The following TAFA2 variants were observed in gnomAD, a reference collection of about 807,000 sequenced individuals.
TAFA2 encodes TAFA chemokine like family member 2.
Under a neutral mutation model 18.8 loss-of-function variants are expected in TAFA2, and 7 were observed. That is an observed-to-expected ratio of 0.37 (90% CI 0.21 to 0.70). TAFA2 has a LOEUF of 0.70. Among genes scored for constraint, TAFA2 ranks in the 30% least tolerant of loss-of-function variants. TAFA2 has a pLI of 0.53. For synonymous variants in TAFA2, 60 were observed against 54.2 expected (o/e 1.11, Z -0.47); for missense variants, 122 against 158.1 (o/e 0.77, Z 1.23).
Position 62,135,732 on chromosome 12 carries a change from A to G in TAFA2, c.-2+55527T>C, listed in dbSNP as rs368826969. Reference sequence around the variant, plus strand: ...TGAATATCATCAGCTCAATTAAGTTAGTAACAAAGCCTGCATTGCGCAATA... The same window carrying G: ...TGAATATCATCAGCTCAATTAAGTTGGTAACAAAGCCTGCATTGCGCAATA... On this transcript the variant is annotated intron_variant, in intron 1 of 4. Coordinates refer to ENST00000416284, the MANE Select transcript of TAFA2 (RefSeq NM_178539.5). 3 of 152,084 alleles carry G rather than the reference A, an allele frequency of 2.0e-5. No homozygotes were observed. In the East Asian group the frequency reaches 5.8e-4, roughly 29 times the overall value. The allele number at this position is 152,084 out of a possible 1,614,324, so 9.4% of individuals were successfully genotyped here.
At chr12:62,065,187 C>T (rs1056644213) in intron 1 of TAFA2, among the ~76,000 whole-genome samples, 5 of 151,952 alleles carry the variant, frequency 3.3e-5, no homozygotes, top group Admixed American at 1.3e-4. Context: ...TGAGTATAAG[C>T]TTTGCATGAA....
intron 2 of TAFA2, among the ~76,000 whole-genome samples, chr12:61,779,589 C>A (rs776070228): frequency 1.5e-4 from 22 of 151,708 alleles, no homozygotes; most frequent in Non-Finnish European, 2.5e-4. Flanking sequence ...AGCCAAATAC[C>A]CAGGTTTTTG....
chr12:61,857,339 G>A (rs962606541), intron 2 of TAFA2, among the ~76,000 whole-genome samples: 1 of 152,030 alleles, frequency 6.6e-6, no homozygotes, highest in African/African-American at 2.4e-5. Flanking sequence ...AAGACACTAT[G>A]TCTAGACCTT....
intron 2 of TAFA2, among the ~76,000 whole-genome samples, chr12:61,804,817 G>T (rs1336503079): frequency 1.3e-5 from 2 of 151,970 alleles, no homozygotes; most frequent in East Asian, 1.9e-4. Context: ...GGAAAGTAAG[G>T]CACACAGAAG....
At chr12:61,987,205 G>A (rs1879849852) in intron 1 of TAFA2, among the ~76,000 whole-genome samples, 2 of 152,172 alleles carry the variant, frequency 1.3e-5, no homozygotes, top group Non-Finnish European at 2.9e-5. Flanking sequence ...TAGTGCAGCA[G>A]GCTCCACAAC....
At chr12:62,070,565 A>AG (rs1274512581) in intron 1 of TAFA2, 6 of 152,186 alleles carry the variant, frequency 3.9e-5, no homozygotes, top group Non-Finnish European at 7.3e-5. Flanking sequence ...GGCTACACCT[A>AG]GAGTAAAAGA....
chr12:61,863,455 T>C (rs1874212037), intron 2 of TAFA2, among the ~76,000 whole-genome samples: 1 of 152,136 alleles, frequency 6.6e-6, no homozygotes, highest in African/African-American at 2.4e-5. Flanking sequence ...TAGGAAAGCC[T>C]CCTACATGAG....
At chr12:62,047,733 G>A (rs1351850378) in intron 1 of TAFA2, among the ~76,000 whole-genome samples, 1 of 152,068 alleles carries the variant, frequency 6.6e-6, no homozygotes, top group Non-Finnish European at 1.5e-5. Flanking sequence ...TACTACCTAA[G>A]AAAGTTTTTT....
chr12:61,966,492 T>C (rs576303410), intron 1 of TAFA2, among the ~76,000 whole-genome samples: 10 of 151,918 alleles, frequency 6.6e-5, no homozygotes, highest in Middle Eastern at 6.3e-3. Flanking sequence ...CATTGAGCAT[T>C]AAGTTTAAAT....
At chr12:62,228,481 A>C (rs1209752189) in intron 1 of TAFA2, among the ~76,000 whole-genome samples, 1 of 152,202 alleles carries the variant, frequency 6.6e-6, no homozygotes, top group African/African-American at 2.4e-5. Flanking sequence ...CACAGAGGCT[A>C]AACTAATTTG....
chr12:62,205,093 C>T (rs1487217566), intron 1 of TAFA2, among the ~76,000 whole-genome samples: 1 of 152,338 alleles, frequency 6.6e-6, no homozygotes, highest in East Asian at 1.9e-4. Flanking sequence ...CCATGGGCTG[C>T]TGCAGTTTGC....
intron 1 of TAFA2, among the ~76,000 whole-genome samples, chr12:62,176,367 C>G (rs2136946395): frequency 6.6e-6 from 1 of 152,278 alleles, no homozygotes; most frequent in East Asian, 1.9e-4. Flanking sequence ...ACAAATGCAA[C>G]TGAGTTCTGC....
intron 4 of TAFA2, among the ~76,000 whole-genome samples, chr12:61,737,793 A>G (rs1253985261): frequency 6.6e-6 from 1 of 151,826 alleles, no homozygotes; most frequent in African/African-American, 2.4e-5. Flanking sequence ...CTGCTACAAA[A>G]TATGAAATCT....
chr12:62,102,114 G>T (rs1423154851), intron 1 of TAFA2, among the ~76,000 whole-genome samples: 1 of 152,308 alleles, frequency 6.6e-6, no homozygotes, highest in African/African-American at 2.4e-5. Flanking sequence ...AACTGCAAGA[G>T]CATAAAAGGA....
At chr12:61,962,631 G>A (rs1426143795) in intron 1 of TAFA2, among the ~76,000 whole-genome samples, 1 of 151,964 alleles carries the variant, frequency 6.6e-6, no homozygotes, top group Non-Finnish European at 1.5e-5. Context: ...CCAAGAAAGA[G>A]AAGAGTATAT....
intron 2 of TAFA2, among the ~76,000 whole-genome samples, chr12:61,762,761 A>C (rs1869614431): frequency 1.3e-5 from 2 of 151,868 alleles, no homozygotes; most frequent in South Asian, 4.2e-4. Flanking sequence ...ATTTGTTCCT[A>C]CTTGGTTTCC....
At chr12:61,841,441 T>C (rs1424491704) in intron 2 of TAFA2, among the ~76,000 whole-genome samples, 1 of 152,110 alleles carries the variant, frequency 6.6e-6, no homozygotes, top group Non-Finnish European at 1.5e-5. Flanking sequence ...ACACCTCTGT[T>C]AAAAATCAAT....
intron 1 of TAFA2, among the ~76,000 whole-genome samples, chr12:61,956,781 C>T (rs910499166): frequency 6.6e-6 from 1 of 152,100 alleles, no homozygotes; most frequent in African/African-American, 2.4e-5. Flanking sequence ...TTTTCAAGAA[C>T]CATTTCAGAA....
chr12:62,190,193 C>T (rs1334638234), intron 1 of TAFA2, among the ~76,000 whole-genome samples: 2 of 152,048 alleles, frequency 1.3e-5, no homozygotes, highest in Non-Finnish European at 2.9e-5. Flanking sequence ...TCGGTCAGGA[C>T]GTGGAATACT....
Sources: gnomAD v4.1 joint callset for allele counts (sites outside exome capture counted in the v4.1 genomes callset) on GRCh38, gnomAD v4.1.1 for gene constraint, MANE v1.5 for transcripts, NCBI Gene and HGNC (gene_info 2026-07-23, HGNC 2026-07-21) for gene names.